Variants in TARS3 observed in about 807,000 individuals in gnomAD.
TARS3 encodes threonine--tRNA ligase 2, cytoplasmic.
TARS3 carries 94 observed loss-of-function variants against 103.5 expected under a neutral mutation model. The observed-to-expected ratio is 0.91, with a 90% CI of 0.77 to 1.08. The LOEUF is 1.08. TARS3 is among the 50% of genes least tolerant of loss of function. The probability of loss-of-function intolerance (pLI) is 0.00; values close to 1 mark genes in which losing one functional copy is unlikely to be tolerated. For missense variants in TARS3, 952 were observed against 995.2 expected, an observed-to-expected ratio of 0.96 and a Z score of 0.58; for synonymous variants, 416 against 355.4, an observed-to-expected ratio of 1.17 and a Z score of -1.92.
chr15:101,694,245 T>C (rs1898863857), intron 10 of TARS3, among the ~76,000 whole-genome samples: 2 of 152,236 alleles, frequency 1.3e-5, no homozygotes, highest in African/African-American at 4.8e-5. Context: ...AATCCTGAAA[T>C]TTCCCTCAGT....
chr15:101,683,282 T>G (rs942578663), intron 12 of TARS3, among the ~76,000 whole-genome samples: 1 of 152,256 alleles, frequency 6.6e-6, no homozygotes, highest in Non-Finnish European at 1.5e-5. Flanking sequence ...CTACAAATTT[T>G]GATGTGTTTT....
intron 6 of TARS3, among the ~76,000 whole-genome samples, chr15:101,708,257 G>GAAAAAAAAAAAAAAA (rs60601502): frequency 2.1e-5 from 1 of 48,602 alleles, no homozygotes; most frequent in Non-Finnish European, 3.4e-5. Flanking sequence ...GACTCTGTCT[G>GAAAAAAAAAAAAAAA]AAAAAAAAAA....
rs147181511 is a variant in TARS3 at position 101,685,967 on chromosome 15, G to A, written c.1416C>T (p.Ser472=). The A allele has an allele frequency of 1.7e-5, 28 of 1,613,876 alleles. No individual in the cohort carries two copies. The South Asian group carries it at 2.9e-4, about 16-fold the overall frequency. The change falls in exon 11 of 19, where the codon AGC becomes AGT. Residue 472 remains serine (S), a synonymous_variant. Coordinates refer to ENST00000335968, the MANE Select transcript of TARS3 (RefSeq NM_152334.3). ...CAATCTCAAAGGTAAACATGTTCTC[G>A]CTGTAATGCTGCCAGTGGCCTGAGG... ...WEASGHWQHY[S]ENMFTFEIEK...
At chr15:101,688,615 T>C (rs958337882) in intron 10 of TARS3, among the ~76,000 whole-genome samples, 3 of 152,160 alleles carry the variant, frequency 2.0e-5, no homozygotes, top group Non-Finnish European at 4.4e-5. Flanking sequence ...CAATTCCACA[T>C]AAACAGCTCC....
At chr15:101,721,058 G>C in intron 3 of TARS3, 68 bp downstream of exon 3, 1 of 1,393,698 alleles carries the variant, frequency 7.2e-7, no homozygotes, top group Non-Finnish European at 9.9e-7. Context: ...CGGTCCCTAA[G>C]AAAACATTTT....
rs557917105 is a variant in TARS3 at position 101,705,268 on chromosome 15, A to G, written c.995+415T>C. On this transcript the variant is annotated intron_variant, in intron 7 of 18. Coordinates refer to ENST00000335968, the MANE Select transcript of TARS3 (RefSeq NM_152334.3). ...TCCTGCTAATGCATGAAGACTGTACACTTGGACTCTGGACAATGGGGCAGA... is the reference window on the plus strand; with the variant it reads ...TCCTGCTAATGCATGAAGACTGTACGCTTGGACTCTGGACAATGGGGCAGA... 7.2e-5 allele frequency among the ~76,000 whole-genome samples: 11 copies of G among 152,208 alleles called. No homozygotes were observed. In the South Asian group the frequency reaches 2.3e-3, roughly 32 times the overall value.
At position 101,675,689 on chromosome 15, in the gene TARS3, A is replaced by G. The variant is rs1897993844; in HGVS notation, c.1699T>C (p.Ser567Pro). The stretch of plus-strand genomic sequence containing the variant: ...AATTGAAAGGAGAAGCCAAATGTTG[A>G]GTAAACAGATTGCAAAAACTGCAAA... ...GCLQFLQSVY[S>P]TFGFSFQLNL... Residue 567 changes from serine to proline, a missense_variant, in exon 13 of 19, where the codon TCA becomes CCA. By Grantham distance (74) the Ser-to-Pro change is moderately conservative (BLOSUM62 -1). Around this residue, in one of 2 missense-constraint regions of TARS3, gnomAD observed 540 missense variants for 631.0 expected, o/e 0.86. Transcript: ENST00000335968. 1.2e-6 allele frequency: 2 copies of G among 1,614,068 alleles called. No individual in the cohort carries two copies. The highest frequency in any genetic ancestry group is 1.7e-5 in the Admixed American group (1 of 60,010).
chr15:101,668,372 G>A (rs762821413), intron 15 of TARS3, among the ~76,000 whole-genome samples: 4 of 152,124 alleles, frequency 2.6e-5, no homozygotes, highest in Non-Finnish European at 2.9e-5. Context: ...GGGAGGGGCC[G>A]GTGGAGTGGT....
intron 3 of TARS3, among the ~76,000 whole-genome samples, chr15:101,716,272 T>G (rs1012934099): frequency 2.6e-5 from 4 of 152,150 alleles, no homozygotes; most frequent in East Asian, 1.9e-4. Flanking sequence ...TCTGTTTTTT[T>G]GGGTATCTTT....
chr15:101,705,690 C>T lies in TARS3; in HGVS notation c.988G>A (p.Val330Met), dbSNP rs755540291. 1.3e-5 allele frequency: 21 copies of T among 1,610,636 alleles called. No homozygotes were observed. The highest frequency in any genetic ancestry group is 1.6e-4 in the Middle Eastern group (1 of 6,082). Residue 330 changes from valine (V) to methionine (M), a missense_variant, in exon 7 of 19, where the codon GTG becomes ATG. Val to Met is a conservative substitution (Grantham distance 21, BLOSUM62 1). Around this residue, in one of 2 missense-constraint regions of TARS3, gnomAD observed 540 missense variants for 631.0 expected, o/e 0.86. Transcript: ENST00000335968. The stretch of plus-strand genomic sequence containing the variant: ...CCATGTGTGGACACAAACCTGTACA[C>T]GGTGGTAGTTGCAGTGTTAACTTTC... ...NEKVNTATTT[V>M]YRCGPLIDLC...
At chr15:101,655,800 C>G (rs1897180258) in intron 18 of TARS3, 1 of 1,207,670 alleles carries the variant, frequency 8.3e-7, no homozygotes, top group Admixed American at 3.0e-5. Flanking sequence ...ACTGACCCCA[C>G]CTGGCACTAG....
intron 13 of TARS3, among the ~76,000 whole-genome samples, chr15:101,673,402 G>A (rs979680353): frequency 1.3e-4 from 20 of 152,090 alleles, no homozygotes; most frequent in Admixed American, 3.3e-4. Context: ...GCACTTACAC[G>A]TGCCTGGCAC....
chr15:101,718,307 G>A (rs551668615), intron 3 of TARS3, among the ~76,000 whole-genome samples: 1 of 152,266 alleles, frequency 6.6e-6, no homozygotes, highest in African/African-American at 2.4e-5. Context: ...GGCGGAGGTT[G>A]TGGTGAGCCA....
chr15:101,658,694 A>G (rs137925962), intron 16 of TARS3, among the ~76,000 whole-genome samples: 1 of 152,350 alleles, frequency 6.6e-6, no homozygotes, highest in Non-Finnish European at 1.5e-5. Flanking sequence ...GTTGGTGGAC[A>G]GTCTCAATGT....
intron 5 of TARS3, among the ~76,000 whole-genome samples, chr15:101,710,271 T>C (rs1899794717): frequency 6.6e-6 from 1 of 152,194 alleles, no homozygotes; most frequent in South Asian, 2.1e-4. Flanking sequence ...TTCATCAGGC[T>C]GTTCATCTCT....
At chr15:101,702,522 C>A (rs1899336520) in intron 8 of TARS3, 137 bp from the exon 9 acceptor site, 1 of 742,712 alleles carries the variant, frequency 1.3e-6, no homozygotes, top group African/African-American at 1.8e-5. Context: ...ATAATCCCAG[C>A]ACTTTGGGAG....
At chr15:101,705,786 T>G in intron 6 of TARS3, 39 bp from the exon 7 acceptor site, 1 of 1,480,294 alleles carries the variant, frequency 6.8e-7, no homozygotes, top group Non-Finnish European at 9.3e-7. Context: ...TTACACACAA[T>G]GTTGAAATGA....
At chr15:101,708,416 T>C (rs1035042027) in intron 6 of TARS3, among the ~76,000 whole-genome samples, 2 of 152,132 alleles carry the variant, frequency 1.3e-5, no homozygotes, top group African/African-American at 4.8e-5. Context: ...CAGGTTACTC[T>C]AGGTTAAAAT....
intron 10 of TARS3, among the ~76,000 whole-genome samples, chr15:101,696,888 T>C (rs988526141): frequency 1.3e-5 from 2 of 152,202 alleles, no homozygotes; most frequent in Non-Finnish European, 2.9e-5. Context: ...TTCTGGTTGG[T>C]TTATAAAGGC....
Sources: allele counts gnomAD v4.1 joint callset (sites outside exome capture counted in the v4.1 genomes callset), GRCh38; gene constraint gnomAD v4.1.1; regional missense constraint gnomAD v4.1.1; transcripts MANE v1.5; gene names NCBI Gene and HGNC (gene_info 2026-07-23, HGNC 2026-07-21).